The following TBC1D5 variants were observed in gnomAD, a reference collection of about 807,000 sequenced individuals.
The protein encoded by TBC1D5 is TBC1 domain family member 5.
TBC1D5 carries 75 observed loss-of-function variants against 100.3 expected under a neutral mutation model. The ratio of observed to expected loss-of-function variants is 0.75; its 90% CI spans 0.62 to 0.91. TBC1D5 has a LOEUF of 0.91. Among genes scored for constraint, TBC1D5 ranks in the 40% least tolerant of loss-of-function variants. TBC1D5 has a pLI of 0.00. For synonymous variants in TBC1D5, 323 were observed against 325.6 expected (o/e 0.99, Z 0.09); for missense variants, 910 against 942.4 (o/e 0.97, Z 0.45).
intron 14 of TBC1D5, among the ~76,000 whole-genome samples, chr3:17,303,416 T>C (rs1312818518): frequency 6.6e-6 from 1 of 152,238 alleles, no homozygotes; most frequent in Non-Finnish European, 1.5e-5. Flanking sequence ...AGCTGTTTTC[T>C]TGGTCACTCT....
chr3:17,291,564 G>C (rs1401981769), intron 15 of TBC1D5, among the ~76,000 whole-genome samples: 1 of 152,136 alleles, frequency 6.6e-6, no homozygotes, highest in African/African-American at 2.4e-5. Context: ...ACCCCTGTGT[G>C]GGGTACCAAT....
At chr3:17,272,975 T>C (rs1207376620) in intron 15 of TBC1D5, among the ~76,000 whole-genome samples, 1 of 152,172 alleles carries the variant, frequency 6.6e-6, no homozygotes, top group Non-Finnish European at 1.5e-5. Flanking sequence ...TCCTCACTAT[T>C]TTCACTTCTC....
At chr3:17,650,776 C>G (rs2065473200) in intron 1 of TBC1D5, among the ~76,000 whole-genome samples, 1 of 152,096 alleles carries the variant, frequency 6.6e-6, no homozygotes, top group Non-Finnish European at 1.5e-5. Context: ...ATTCTAAAAT[C>G]TTAGCTGGTA....
chr3:17,666,351 AAAG>A (rs1244123248), intron 1 of TBC1D5, among the ~76,000 whole-genome samples: 3 of 152,170 alleles, frequency 2.0e-5, no homozygotes, highest in Non-Finnish European at 2.9e-5. Context: ...TCCTACTGAC[AAAG>A]AAGATTTTAG....
intron 15 of TBC1D5, among the ~76,000 whole-genome samples, chr3:17,289,599 A>T (rs2081518028): frequency 6.7e-6 from 1 of 150,356 alleles, no homozygotes; most frequent in Non-Finnish European, 1.5e-5. Flanking sequence ...ACACCTCTGC[A>T]CTCCAGCCTG....
At chr3:17,423,916 C>T (rs1326291353) in intron 4 of TBC1D5, among the ~76,000 whole-genome samples, 2 of 152,030 alleles carry the variant, frequency 1.3e-5, no homozygotes, top group Non-Finnish European at 2.9e-5. Flanking sequence ...CTTTCTCTAA[C>T]TAAATTGACT....
chr3:17,503,282 G>A (rs947635614), intron 3 of TBC1D5, among the ~76,000 whole-genome samples: 1 of 149,516 alleles, frequency 6.7e-6, no homozygotes, highest in African/African-American at 2.5e-5. Flanking sequence ...TCATCCTTCA[G>A]GTTGTGGCTT....
At chr3:17,298,774 T>C (rs1046849411) in intron 14 of TBC1D5, among the ~76,000 whole-genome samples, 4 of 152,080 alleles carry the variant, frequency 2.6e-5, no homozygotes, top group African/African-American at 9.7e-5. Context: ...AAAAAGCCAA[T>C]CTGAAAAGGA....
chr3:17,296,591 TG>T (rs1575180677), intron 14 of TBC1D5, among the ~76,000 whole-genome samples: 2 of 152,240 alleles, frequency 1.3e-5, no homozygotes, highest in East Asian at 3.8e-4. Flanking sequence ...TCTTCAGTTT[TG>T]GAGAAAGCCA....
intron 1 of TBC1D5, among the ~76,000 whole-genome samples, chr3:17,644,278 C>A (rs1171272997): frequency 1.3e-5 from 2 of 152,078 alleles, no homozygotes; most frequent in African/African-American, 4.8e-5. Flanking sequence ...TGATTAAATA[C>A]TTCAGTCTTA....
At chr3:17,224,551 C>T (rs1576095619) in intron 17 of TBC1D5, among the ~76,000 whole-genome samples, 2 of 152,164 alleles carry the variant, frequency 1.3e-5, no homozygotes, top group African/African-American at 4.8e-5. Context: ...TCAGTGGCTA[C>T]ATGTGGCTAG....
At position 17,633,047 on chromosome 3, in the gene TBC1D5, CAT is replaced by C. The variant is rs563257780; in HGVS notation, c.-100-9136_-100-9135del. 9.9e-5 allele frequency among the ~76,000 whole-genome samples: 15 copies of C among 152,226 alleles called. No homozygotes were observed. The South Asian group carries it at 3.1e-3, about 32-fold the overall frequency. Reference sequence around the variant, plus strand: ...TATATTCTTTCCTTCTTCCTAATGACATGTTTCACCATCTGCAATAACAATTC... The same window carrying C: ...TATATTCTTTCCTTCTTCCTAATGACGTTTCACCATCTGCAATAACAATTC... On this transcript the variant is annotated intron_variant, in intron 1 of 21. Coordinates refer to ENST00000253692, the Ensembl canonical transcript of TBC1D5.
At chr3:17,460,126 T>G (rs1337963217) in intron 3 of TBC1D5, among the ~76,000 whole-genome samples, 1 of 152,192 alleles carries the variant, frequency 6.6e-6, no homozygotes, top group African/African-American at 2.4e-5. Flanking sequence ...ATATAAAAAT[T>G]AAAGTATATA....
At position 17,289,454 on chromosome 3, in the gene TBC1D5, T is replaced by C. The variant is rs1046349483; in HGVS notation, c.1245+2441A>G. ...TTCTTGACCATCCTGGCCAACATAG[T>C]GAAACCCCATATCTACTAAAAATAC... On this transcript the variant is annotated intron_variant, in intron 15 of 21. Coordinates refer to ENST00000253692, the Ensembl canonical transcript of TBC1D5. Among the ~76,000 whole-genome samples the C allele has an allele frequency of 2.0e-5, 3 of 151,992 alleles. No individual in the cohort carries two copies. In the East Asian group the frequency reaches 5.8e-4, roughly 29 times the overall value.
At chr3:17,167,159 C>T (rs1386432425) in intron 20 of TBC1D5, among the ~76,000 whole-genome samples, 2 of 152,170 alleles carry the variant, frequency 1.3e-5, no homozygotes, top group African/African-American at 4.8e-5. Flanking sequence ...GCCAGGTTCT[C>T]ACAGGGTCAC....
chr3:17,263,147 T>C (rs186516473), intron 15 of TBC1D5, among the ~76,000 whole-genome samples: 2 of 151,876 alleles, frequency 1.3e-5, no homozygotes, highest in East Asian at 3.9e-4. Context: ...GAGGCTGCAG[T>C]GAACTATGAT....
intron 2 of TBC1D5, among the ~76,000 whole-genome samples, chr3:17,518,210 T>C (rs796609400): frequency 2.0e-5 from 3 of 152,222 alleles, no homozygotes; most frequent in Admixed American, 6.5e-5. Context: ...CAAGCCGAAA[T>C]GCCTGAAACC....
chr3:17,672,876 T>C (rs543017673), intron 1 of TBC1D5, among the ~76,000 whole-genome samples: 62 of 152,260 alleles, frequency 4.1e-4, no homozygotes, highest in African/African-American at 1.2e-3. Context: ...TCCATGAATA[T>C]CTGTGGAAGA....
At chr3:17,497,516 T>C (rs1466420315) in intron 3 of TBC1D5, among the ~76,000 whole-genome samples, 1 of 152,236 alleles carries the variant, frequency 6.6e-6, no homozygotes, top group East Asian at 1.9e-4. Flanking sequence ...GATTCAGTTA[T>C]TATTACTGAA....
Sources: allele counts gnomAD v4.1 joint callset (sites outside exome capture counted in the v4.1 genomes callset), GRCh38; gene constraint gnomAD v4.1.1; transcripts MANE v1.5; gene names NCBI Gene and HGNC (gene_info 2026-07-23, HGNC 2026-07-21).